MSR1: variants seen among roughly 807,000 people sequenced by gnomAD.
The protein encoded by MSR1 is macrophage scavenger receptor 1.
Under a neutral mutation model 47.2 loss-of-function variants are expected in MSR1, and 53 were observed. That is an observed-to-expected ratio of 1.12 (90% CI 0.90 to 1.41). The LOEUF (loss-of-function observed/expected upper bound fraction) is 1.41. MSR1 is among the 40% of genes most tolerant of loss of function. The probability of loss-of-function intolerance (pLI) is 0.00; values close to 1 mark genes in which losing one functional copy is unlikely to be tolerated. For missense variants in MSR1, 786 were observed against 546.9 expected (o/e 1.44, Z -4.36); for synonymous variants, 239 against 185.6 (o/e 1.29, Z -2.34).
chr8:16,188,323 C>A (rs1288633201), intron 1 of MSR1, among the ~76,000 whole-genome samples: 1 of 151,898 alleles, frequency 6.6e-6, no homozygotes, highest in African/African-American at 2.4e-5. Flanking sequence ...TCTGTCATCT[C>A]ATCACCCTAA....
intron 7 of MSR1, among the ~76,000 whole-genome samples, chr8:16,149,212 T>C (rs1343092303): frequency 6.6e-6 from 1 of 152,140 alleles, no homozygotes. Flanking sequence ...GTTGGTTTAT[T>C]AATGGTTACA....
chr8:16,192,363 A>G (rs1410619847), intron 1 of MSR1, among the ~76,000 whole-genome samples: 1 of 152,186 alleles, frequency 6.6e-6, no homozygotes, highest in Admixed American at 6.6e-5. Context: ...GTACTTGTGA[A>G]CATATATGTT....
chr8:16,168,389 C>G, intron 4 of MSR1, 69 bp downstream of exon 4: 1 of 1,551,300 alleles, frequency 6.4e-7, no homozygotes, highest in Non-Finnish European at 8.9e-7. Context: ...CTTTCCTGTA[C>G]TGCCTAAGGA....
intron 8 of MSR1, among the ~76,000 whole-genome samples, chr8:16,135,895 G>A (rs1343627231): frequency 6.6e-6 from 1 of 152,048 alleles, no homozygotes; most frequent in Admixed American, 6.6e-5. Context: ...TAAGAGAAGT[G>A]GAGAACTAGA....
intron 8 of MSR1, among the ~76,000 whole-genome samples, chr8:16,131,436 TGATA>T (rs202215107): frequency 5.6e-4 from 77 of 137,694 alleles, no homozygotes; most frequent in African/African-American, 1.8e-3. Context: ...TTTACTCTGT[TGATA>T]GTTTTTTTTT....
rs776370129 is a variant in MSR1 at position 16,120,535 on chromosome 8, C to T, written c.1105G>A (p.Gly369Ser). ...HEGRVEILHSGQWGTICDDRW... is the reference protein window; with the variant it reads ...HEGRVEILHSSQWGTICDDRW... ...TCGTCACAAATTGTACCCCACTGGC[C>T]GCTGTGGAGTATCTCCACCCTCCCC... Residue 369 changes from glycine (G) to serine (S), a missense_variant, in exon 9 of 10, where the codon GGC (glycine) becomes AGC (serine). Coordinates refer to ENST00000262101, the MANE Select transcript of MSR1 (RefSeq NM_138715.3). 3.1e-6 allele frequency: 5 copies of T among 1,611,762 alleles called. No individual in the cohort carries two copies. Among genetic ancestry groups the T allele is most frequent in the Middle Eastern group, 1.7e-4 (1 of 6,056 alleles).
chr8:16,189,362 T>TA (rs1802102924), intron 1 of MSR1, among the ~76,000 whole-genome samples: 1 of 90,342 alleles, frequency 1.1e-5, no homozygotes, highest in South Asian at 3.1e-4. Context: ...TTATATATTT[T>TA]TATATATATT....
rs541552524 is a variant in MSR1 at position 16,186,093 on chromosome 8, T to C, written c.-5+6505A>G. 1.9e-4 allele frequency: 242 copies of C among 1,302,384 alleles called. No individual in the cohort carries two copies. The African/African-American group carries it at 3.0e-3, about 16-fold the overall frequency. 80.7% of individuals were successfully genotyped at this position (1,302,384 alleles called of 1,614,324 possible). A position where few individuals can be genotyped will look rare whatever the true frequency, so the allele number is the denominator to read the frequency against. ...GAAGCAGAAATAAAACCTTGCAAGA[T>C]TGGCAGTAATAAATGTATAAAAATG... On this transcript the variant is annotated intron_variant, in intron 1 of 9. Coordinates refer to ENST00000262101, the MANE Select transcript of MSR1 (RefSeq NM_138715.3).
chr8:16,143,830 C>T (rs951655945), intron 7 of MSR1, among the ~76,000 whole-genome samples: 2 of 152,028 alleles, frequency 1.3e-5, no homozygotes, highest in Non-Finnish European at 2.9e-5. Flanking sequence ...TTACAAGGCC[C>T]TAAATGCCCC....
Position 16,110,049 on chromosome 8 carries a change from C to A in MSR1, c.*36G>T, listed in dbSNP as rs770925136. ...ACAAGGTAATAAAATCATTTTTGAG[C>A]AGCGATTTCATAGTTGTGAATGAAA... is the stretch of plus-strand genomic sequence containing the variant. On this transcript the variant is annotated 3_prime_UTR_variant, in exon 10 of 10. Transcript: ENST00000262101. 5 of 1,611,110 alleles carry A rather than the reference C, an allele frequency of 3.1e-6. No homozygotes were observed. The highest frequency in any genetic ancestry group is 4.2e-6 in the Non-Finnish European group (5 of 1,178,102).
chr8:16,123,733 G>A (rs1800064076), intron 8 of MSR1, among the ~76,000 whole-genome samples: 1 of 152,046 alleles, frequency 6.6e-6, no homozygotes, highest in Non-Finnish European at 1.5e-5. Flanking sequence ...TGAAAAAACA[G>A]AAACAGAAAC....
intron 1 of MSR1, among the ~76,000 whole-genome samples, chr8:16,184,012 A>C (rs1334767192): frequency 6.6e-6 from 1 of 150,640 alleles, no homozygotes; most frequent in East Asian, 1.9e-4. Flanking sequence ...GGGTTTTGAA[A>C]ATGAGCAGAA....
chr8:16,171,937 G>T lies in MSR1; in HGVS notation c.218-3067C>A, dbSNP rs1048149574. ...GTCCAAATAATTAAATGAACTATATGTAAAATACTTAGACCACTTCCTGGC... is the reference window on the plus strand; with the variant it reads ...GTCCAAATAATTAAATGAACTATATTTAAAATACTTAGACCACTTCCTGGC... On this transcript the variant is annotated intron_variant, in intron 3 of 9. Coordinates refer to ENST00000262101, the MANE Select transcript of MSR1 (RefSeq NM_138715.3). Among the ~76,000 whole-genome samples, 162 of 152,252 alleles carry T rather than the reference G, an allele frequency of 1.1e-3. 1 individual carries two copies. Among genetic ancestry groups the T allele is most frequent in the African/African-American group, 3.7e-3 (155 of 41,560 alleles).
rs545800548 is a variant in MSR1 at position 16,140,581 on chromosome 8, G to A, written c.1033+2977C>T. The A allele has an allele frequency of 8.7e-5, 92 of 1,062,112 alleles. No individual in the cohort carries two copies. In the African/African-American group the frequency reaches 1.3e-3, roughly 15 times the overall value. The allele number at this position is 1,062,112 out of a possible 1,614,324, so 65.8% of individuals were successfully genotyped here. A position where few individuals can be genotyped will look rare whatever the true frequency, so the allele number is the denominator to read the frequency against. On this transcript the variant is annotated intron_variant, in intron 8 of 9. Transcript: ENST00000262101. ...AGTGTTATATTGTATGGTAGGAATC[G>A]CTTTGCTTGACTGAAACATCACTCT... is the stretch of plus-strand genomic sequence containing the variant.
At chr8:16,116,775 G>C (rs1367874087) in intron 9 of MSR1, among the ~76,000 whole-genome samples, 1 of 152,038 alleles carries the variant, frequency 6.6e-6, no homozygotes, top group Non-Finnish European at 1.5e-5. Context: ...TAGGACAATA[G>C]TCTTCAGCTA....
rs1038058660 is a variant in MSR1 at position 16,140,180 on chromosome 8, T to A, written c.1033+3378A>T. 6.1e-6 allele frequency: 6 copies of A among 985,084 alleles called. No individual in the cohort carries two copies. In the Admixed American group the frequency reaches 3.7e-4, roughly 61 times the overall value. 61.0% of individuals were successfully genotyped at this position (985,084 alleles called of 1,614,324 possible). A position where few individuals can be genotyped will look rare whatever the true frequency, so the allele number is the denominator to read the frequency against. On this transcript the variant is annotated intron_variant, in intron 8 of 9. Coordinates refer to ENST00000262101, the MANE Select transcript of MSR1 (RefSeq NM_138715.3). The stretch of plus-strand genomic sequence containing the variant: ...AGAACTCTCATATTATCAATACTCA[T>A]GACAGTTCTCCTAGAACCCAATAAA...
intron 3 of MSR1, among the ~76,000 whole-genome samples, chr8:16,169,213 C>A (rs1038315022): frequency 2.0e-5 from 3 of 152,128 alleles, no homozygotes; most frequent in Non-Finnish European, 4.4e-5. Context: ...GTCTACAGAA[C>A]TGCTGTTAGA....
chr8:16,154,780 C>T (rs796191910), intron 6 of MSR1, among the ~76,000 whole-genome samples: 2 of 151,922 alleles, frequency 1.3e-5, no homozygotes, highest in South Asian at 2.1e-4. Flanking sequence ...ACTATCTAGA[C>T]TTACAAACAA....
chr8:16,159,913 G>A (rs1397557511), intron 5 of MSR1, among the ~76,000 whole-genome samples: 1 of 151,898 alleles, frequency 6.6e-6, no homozygotes, highest in African/African-American at 2.4e-5. Context: ...AAATCAAAGA[G>A]AAAATATTTC....
Sources: gnomAD v4.1 joint callset for allele counts (sites outside exome capture counted in the v4.1 genomes callset) on GRCh38, gnomAD v4.1.1 for gene constraint, MANE v1.5 for transcripts, NCBI Gene and HGNC (gene_info 2026-07-23, HGNC 2026-07-21) for gene names.